OFD1: variants seen among roughly 807,000 people sequenced by gnomAD.
The protein encoded by OFD1 is OFD1 centriole and centriolar satellite protein.
Under a neutral mutation model 81.4 loss-of-function variants are expected in OFD1, and 12 were observed. The observed-to-expected ratio is 0.15, with a 90% CI of 0.09 to 0.24. The LOEUF is 0.24. OFD1 is among the 10% of genes least tolerant of loss of function. The pLI is 1.00. For synonymous variants in OFD1, 256 were observed against 263.7 expected, an observed-to-expected ratio of 0.97 and a Z score of 0.28; for missense variants, 685 against 733.9, an observed-to-expected ratio of 0.93 and a Z score of 0.77.
chrX:13,731,696 C>G (rs2146880379), upstream of OFD1, among the ~76,000 whole-genome samples: 1 of 111,879 alleles, frequency 8.9e-6, no homozygotes, highest in African/African-American at 3.2e-5. Flanking sequence ...AGGGATGGCT[C>G]ATAGCCGACT....
Position 13,760,311 on chromosome X carries a change from G to A in OFD1, c.1851G>A (p.Glu617=), listed in dbSNP as rs966490391. Residue 617 remains glutamate, a synonymous_variant, in exon 16 of 23, where the codon GAG becomes GAA. Coordinates refer to ENST00000340096, the MANE Select transcript of OFD1 (RefSeq NM_003611.3). Reference sequence around the variant, plus strand: ...CAAATTATCCAACTGCATGGGTGGAGGGTAGTTCCCCTGATTCTGACCTTG... The same window carrying A: ...CAAATTATCCAACTGCATGGGTGGAAGGTAGTTCCCCTGATTCTGACCTTG... ...RITNYPTAWV[E]GSSPDSDLEF... 1.7e-6 allele frequency: 2 copies of A among 1,211,693 alleles called. No individual in the cohort carries two copies. The highest frequency in any genetic ancestry group is 3.5e-5 in the African/African-American group (2 of 57,828).
chrX:13,744,530 C>T lies in OFD1; in HGVS notation c.517+11C>T. 1.0e-6 allele frequency: 1 copy of T among 985,410 alleles called. No homozygotes were observed. Among genetic ancestry groups the T allele is most frequent in the Non-Finnish European group, 1.4e-6 (1 of 689,996 alleles). 81.2% of individuals were successfully genotyped at this position (985,410 alleles called of 1,213,427 possible). A position where few individuals can be genotyped will look rare whatever the true frequency, so the allele number is the denominator to read the frequency against. On this transcript the variant is annotated intron_variant, in intron 6 of 22. Coordinates refer to ENST00000340096, the MANE Select transcript of OFD1 (RefSeq NM_003611.3). The stretch of plus-strand genomic sequence containing the variant: ...ACAGAGATTCTCTGGGTAATTATAG[C>T]CTTCTTTCTTAATTTCAGTTCTGCT...
the OFD1 span, chrX:13,716,416 T>G: frequency 1.1e-6 from 1 of 935,654 alleles, no homozygotes; most frequent in Non-Finnish European, 1.5e-6. Context: ...AATGGAAACT[T>G]ACATTTTCAC....
chrX:13,746,261 C>T (rs2047292348), intron 6 of OFD1, 58 bp from the exon 7 acceptor site: 8 of 1,085,183 alleles, frequency 7.4e-6, no homozygotes, highest in Admixed American at 6.6e-5. Context: ...AGAGGTCTGG[C>T]GTCTTACGCA....
intron 10 of OFD1, 132 bp downstream of exon 10, chrX:13,751,500 A>T: frequency 1.9e-6 from 1 of 524,026 alleles, no homozygotes; most frequent in South Asian, 3.2e-5. Flanking sequence ...AGTTTTATCG[A>T]TACAGTCAAT....
chrX:13,757,636 T>TG, intron 13 of OFD1, 24 bp from the exon 14 acceptor site: 2 of 922,165 alleles, frequency 2.2e-6, no homozygotes, highest in Non-Finnish European at 2.9e-6. Context: ...GACTAGGATT[T>TG]TTTTTTTTTT....
At chrX:13,722,971 A>G in the OFD1 span, among the ~76,000 whole-genome samples, 68 of 109,904 alleles carry the variant, frequency 6.2e-4, no homozygotes, top group African/African-American at 2.0e-3. Flanking sequence ...GCTGAGGCAG[A>G]AGAATGGTGT....
chrX:13,760,992 T>TA, intron 16 of OFD1, 93 bp from the exon 17 acceptor site: 1 of 1,085,180 alleles, frequency 9.2e-7, no homozygotes, highest in Non-Finnish European at 1.3e-6. Context: ...GATAACAGTT[T>TA]ATTTTCAAAC....
chrX:13,767,393 G>A, intron 20 of OFD1, 109 bp downstream of exon 20: 1 of 808,585 alleles, frequency 1.2e-6, no homozygotes, highest in Non-Finnish European at 1.9e-6. Flanking sequence ...CAGAGGTGCG[G>A]CAGATGCCTT....
chrX:13,747,343 C>T (rs1313202735), intron 8 of OFD1, among the ~76,000 whole-genome samples: 2 of 111,483 alleles, frequency 1.8e-5, no homozygotes, highest in African/African-American at 6.5e-5. Flanking sequence ...ATTGAGGGCT[C>T]AGCTGTGGTT....
chrX:13,729,531 A>G, the OFD1 span, among the ~76,000 whole-genome samples: 1 of 112,621 alleles, frequency 8.9e-6, no homozygotes, highest in Non-Finnish European at 1.9e-5. Flanking sequence ...GGTGCTGGGA[A>G]AACTGGCTAG....
At position 13,768,751 on chromosome X, in the gene OFD1, G is replaced by C; in HGVS notation, c.2962G>C (p.Val988Leu). ...AAAGATGGTCCAAGAAGGCTCCCTA[G>C]TGGACACGCTGCAATCTAGTGACAA... ...SKKMVQEGSL[V>L]DTLQSSDKVE... The change falls in exon 22 of 23, where the codon GTG becomes CTG. Residue 988 changes from valine to leucine, a missense_variant. Physicochemically the swap from Val to Leu is conservative, Grantham distance 32. This residue lies in a region of OFD1 where 259 missense variants were observed against 254.4 expected (regional missense o/e 1.02). Transcript: ENST00000340096. 4 of 1,210,242 alleles carry C rather than the reference G, an allele frequency of 3.3e-6. No individual in the cohort carries two copies. The South Asian group carries it at 7.0e-5, about 21-fold the overall frequency.
At chrX:13,736,272 C>T (rs777499111) in intron 2 of OFD1, 1 of 1,024,186 alleles carries the variant, frequency 9.8e-7, no homozygotes, top group East Asian at 3.8e-5. Flanking sequence ...TTTTCTAGAA[C>T]CCACTGGACT....
upstream of OFD1, among the ~76,000 whole-genome samples, chrX:13,729,768 C>T (rs2046633733): frequency 9.0e-6 from 1 of 111,020 alleles, no homozygotes; most frequent in African/African-American, 3.3e-5. Flanking sequence ...CTTAGCCGGG[C>T]GTGGTGGCAC....
downstream of OFD1, chrX:13,772,685 T>G (rs1240052987): frequency 5.5e-6 from 2 of 362,948 alleles, no homozygotes; most frequent in African/African-American, 5.1e-5. Flanking sequence ...ACATGAAACC[T>G]CCAATATTTG....
intron 14 of OFD1, 91 bp from the exon 15 acceptor site, chrX:13,758,246 A>G: frequency 1.6e-6 from 1 of 625,898 alleles, no homozygotes; most frequent in South Asian, 2.5e-5. Flanking sequence ...CAGAACAAAA[A>G]GAGTACAAAC....
At chrX:13,734,710 G>A, upstream of OFD1, 1 of 985,340 alleles carries the variant, frequency 1.0e-6, no homozygotes, top group Non-Finnish European at 1.3e-6. Context: ...TCTTCAGCTC[G>A]GGAAGGCTAT....
In OFD1 at chrX:13,757,572, A is replaced by G. The variant is rs988593356; in HGVS notation, c.1412-88A>G. 9.0e-6 allele frequency: 9 copies of G among 996,599 alleles called. No homozygotes were observed. The Admixed American group carries it at 1.6e-4, about 17-fold the overall frequency. The allele number at this position is 996,599 out of a possible 1,213,427, so 82.1% of individuals were successfully genotyped here. A position where few individuals can be genotyped will look rare whatever the true frequency, so the allele number is the denominator to read the frequency against. On this transcript the variant is annotated intron_variant, in intron 13 of 22. Transcript: ENST00000340096. ...TCAGTACAAAGCAAAGAACACTTTA[A>G]AACCCCTTTAACTGTTTTTGTTAAG... is the stretch of plus-strand genomic sequence containing the variant.
downstream of OFD1, chrX:13,773,067 T>C (rs2048329266): frequency 6.0e-6 from 7 of 1,173,823 alleles, no homozygotes; most frequent in Non-Finnish European, 8.1e-6. Flanking sequence ...CTAGTGAGCA[T>C]TGTGAGAAGG....
Sources: gnomAD v4.1 joint callset for allele counts (sites outside exome capture counted in the v4.1 genomes callset) on GRCh38, gnomAD v4.1.1 for gene constraint, gnomAD v4.1.1 regional missense constraint, MANE v1.5 for transcripts, NCBI Gene and HGNC (gene_info 2026-07-23, HGNC 2026-07-21) for gene names.